Variants in FGF14 observed in about 807,000 individuals in gnomAD.
FGF14 encodes fibroblast growth factor homologous factor 4.
Under a neutral mutation model 25.5 loss-of-function variants are expected in FGF14, and 5 were observed. The ratio of observed to expected loss-of-function variants is 0.20; its 90% CI spans 0.10 to 0.41. FGF14 has a LOEUF of 0.41. Ranked by LOEUF, FGF14 falls within the 10% of genes least tolerant of loss-of-function variation. FGF14 has a pLI of 1.00. For missense variants in FGF14, 222 were observed against 320.1 expected, an observed-to-expected ratio of 0.69 and a Z score of 2.34; for synonymous variants, 138 against 118.3, an observed-to-expected ratio of 1.17 and a Z score of -1.08.
intron 3 of FGF14, among the ~76,000 whole-genome samples, chr13:101,776,366 T>G (rs1203685744): frequency 6.6e-6 from 1 of 152,168 alleles, no homozygotes; most frequent in Non-Finnish European, 1.5e-5. Flanking sequence ...GCCATCATCA[T>G]TAGGATGCAT....
At chr13:102,202,902 T>C (rs948837583) in intron 1 of FGF14, among the ~76,000 whole-genome samples, 1 of 152,110 alleles carries the variant, frequency 6.6e-6, no homozygotes, top group Non-Finnish European at 1.5e-5. Flanking sequence ...CTCAAAGAAA[T>C]GGAGAATGGG....
At chr13:102,222,165 TAGTA>T (rs1197560971) in intron 1 of FGF14, among the ~76,000 whole-genome samples, 2 of 152,184 alleles carry the variant, frequency 1.3e-5, no homozygotes, top group Non-Finnish European at 2.9e-5. Flanking sequence ...CGTAAGTATG[TAGTA>T]AGTATTTGCT....
intron 1 of FGF14, among the ~76,000 whole-genome samples, chr13:102,115,356 C>T (rs1463471471): frequency 1.3e-5 from 2 of 152,178 alleles, no homozygotes; most frequent in African/African-American, 2.4e-5. Context: ...TCATCAGACA[C>T]AAGACCACTG....
At chr13:101,738,533 C>T (rs2036327576) in intron 3 of FGF14, among the ~76,000 whole-genome samples, 1 of 152,024 alleles carries the variant, frequency 6.6e-6, no homozygotes, top group Non-Finnish European at 1.5e-5. Flanking sequence ...CAAAGGTTAA[C>T]ACAAAAGGAC....
chr13:101,741,152 A>G (rs1359766668), intron 3 of FGF14, among the ~76,000 whole-genome samples: 1 of 152,186 alleles, frequency 6.6e-6, no homozygotes, highest in East Asian at 1.9e-4. Context: ...CCTGACCAAC[A>G]TGGTGAAACC....
At chr13:101,739,106 T>TAC (rs1566838898) in intron 3 of FGF14, among the ~76,000 whole-genome samples, 8 of 62,322 alleles carry the variant, frequency 1.3e-4, no homozygotes, top group Admixed American at 2.2e-4. Flanking sequence ...TATATATATA[T>TAC]ACATGTATAT....
At position 102,401,767 on chromosome 13, in the gene FGF14, T is replaced by G. The variant is rs1048633114; in HGVS notation, c.-89A>C. ...GAGACTTCTCAGTGATTGTTTGTTTTCGGCCAGGGTGAATGATTTATCCCC... is the reference window on the plus strand; with the variant it reads ...GAGACTTCTCAGTGATTGTTTGTTTGCGGCCAGGGTGAATGATTTATCCCC... On this transcript the variant is annotated 5_prime_UTR_variant, in exon 1 of 5. Coordinates refer to the FGF14 transcript ENST00000376131. 3.6e-6 allele frequency: 4 copies of G among 1,114,736 alleles called. No homozygotes were observed. The African/African-American group carries it at 6.2e-5, about 17-fold the overall frequency. The allele number at this position is 1,114,736 out of a possible 1,614,324, so 69.1% of individuals were successfully genotyped here.
intron 1 of FGF14, among the ~76,000 whole-genome samples, chr13:102,282,952 G>A (rs2053919432): frequency 6.6e-6 from 1 of 152,008 alleles, no homozygotes; most frequent in African/African-American, 2.4e-5. Flanking sequence ...TTAGGATTCA[G>A]ATTATCTATG....
chr13:102,190,427 A>G (rs1297239071), intron 1 of FGF14, among the ~76,000 whole-genome samples: 1 of 152,208 alleles, frequency 6.6e-6, no homozygotes, highest in Non-Finnish European at 1.5e-5. Flanking sequence ...CAACAGTGTT[A>G]CTGGCCTCTA....
At chr13:101,849,880 C>T (rs536204419) in intron 3 of FGF14, among the ~76,000 whole-genome samples, 2 of 152,142 alleles carry the variant, frequency 1.3e-5, no homozygotes, top group Admixed American at 1.3e-4. Context: ...TTCAGCTCCT[C>T]TGGGATATCC....
At chr13:101,782,312 GC>G (rs1319528516) in intron 3 of FGF14, among the ~76,000 whole-genome samples, 2 of 152,008 alleles carry the variant, frequency 1.3e-5, no homozygotes, top group Admixed American at 1.3e-4. Context: ...TATTTTCACT[GC>G]CAATATCATA....
At chr13:101,946,281 C>G (rs999777871) in intron 1 of FGF14, among the ~76,000 whole-genome samples, 2 of 150,200 alleles carry the variant, frequency 1.3e-5, no homozygotes, top group Non-Finnish European at 2.9e-5. Context: ...CTGCCACTGT[C>G]TCTCTGTTGT....
intron 3 of FGF14, among the ~76,000 whole-genome samples, chr13:101,746,128 G>A (rs2036872595): frequency 6.6e-6 from 1 of 151,900 alleles, no homozygotes; most frequent in Non-Finnish European, 1.5e-5. Flanking sequence ...TTGTCACATT[G>A]GACTCCTCTG....
At chr13:101,846,587 T>C (rs1287618369) in intron 3 of FGF14, among the ~76,000 whole-genome samples, 3 of 151,912 alleles carry the variant, frequency 2.0e-5, no homozygotes, top group Non-Finnish European at 2.9e-5. Flanking sequence ...ATGAAAAGAG[T>C]GGGCACATAG....
intron 1 of FGF14, among the ~76,000 whole-genome samples, chr13:102,159,638 C>T (rs1407614074): frequency 1.3e-5 from 2 of 152,162 alleles, no homozygotes; most frequent in Admixed American, 6.5e-5. Flanking sequence ...GTGCTTATTG[C>T]CTTATGAGAT....
intron 1 of FGF14, among the ~76,000 whole-genome samples, chr13:102,095,777 C>T (rs867838980): frequency 6.6e-6 from 1 of 152,084 alleles, no homozygotes; most frequent in Non-Finnish European, 1.5e-5. Flanking sequence ...TCTTACCTTA[C>T]AGTAAGACTA....
chr13:102,226,665 C>A (rs911380948), intron 1 of FGF14, among the ~76,000 whole-genome samples: 4 of 152,078 alleles, frequency 2.6e-5, no homozygotes, highest in Non-Finnish European at 5.9e-5. Flanking sequence ...CAGTTTTTGG[C>A]CTTTTAGTTC....
At chr13:102,386,563 T>A (rs1042167717) in intron 1 of FGF14, among the ~76,000 whole-genome samples, 1 of 152,216 alleles carries the variant, frequency 6.6e-6, no homozygotes, top group Non-Finnish European at 1.5e-5. Context: ...AAAACTGTTA[T>A]CAAGATACGC....
intron 1 of FGF14, among the ~76,000 whole-genome samples, chr13:102,132,621 A>G (rs1227092933): frequency 2.0e-5 from 3 of 151,704 alleles, no homozygotes; most frequent in African/African-American, 7.3e-5. Context: ...GCCACAGGTA[A>G]TTCTTCTGCT....
Sources: gnomAD v4.1 joint callset for allele counts (sites outside exome capture counted in the v4.1 genomes callset) on GRCh38, gnomAD v4.1.1 for gene constraint, MANE v1.5 for transcripts, NCBI Gene and HGNC (gene_info 2026-07-23, HGNC 2026-07-21) for gene names.